Variants in FGFBP3 observed in about 807,000 individuals in gnomAD.
The protein encoded by FGFBP3 is fibroblast growth factor-binding protein 3.
Under a neutral mutation model 4.8 loss-of-function variants are expected in FGFBP3, and 4 were observed. That is an observed-to-expected ratio of 0.83 (90% confidence interval 0.41 to 1.90). The LOEUF is 1.90. Among genes scored for constraint, FGFBP3 ranks in the 40% most tolerant of loss-of-function variants. FGFBP3 has a pLI of 0.03. For synonymous variants in FGFBP3, 215 were observed against 190.0 expected (o/e 1.13, Z -1.08); for missense variants, 429 against 397.4 (o/e 1.08, Z -0.68).
In FGFBP3 at chr10:91,908,079, C is replaced by A; in HGVS notation, c.*114G>T. The A allele has an allele frequency of 7.9e-7, 1 of 1,265,616 alleles. No individual in the cohort carries two copies. The highest frequency in any genetic ancestry group is 1.1e-6 in the Non-Finnish European group (1 of 946,274). The allele number at this position is 1,265,616 out of a possible 1,614,324, so 78.4% of individuals were successfully genotyped here. A position where few individuals can be genotyped will look rare whatever the true frequency, so the allele number is the denominator to read the frequency against. On this transcript the variant is annotated 3_prime_UTR_variant, in exon 2 of 2. Transcript: ENST00000311575. The stretch of plus-strand genomic sequence containing the variant: ...CCTTACCCTTGCCCCCACCCCCATT[C>A]GAGAACCTGGACTTCTCCCCAATCT...
Position 91,908,172 on chromosome 10 carries a change from T to G in FGFBP3, c.*21A>C. 1 of 1,538,260 alleles carries G rather than the reference T, an allele frequency of 6.5e-7. No homozygotes were observed. The highest frequency in any genetic ancestry group is 8.8e-7 in the Non-Finnish European group (1 of 1,140,720). On this transcript the variant is annotated 3_prime_UTR_variant, in exon 2 of 2. Coordinates refer to ENST00000311575, the MANE Select transcript of FGFBP3 (RefSeq NM_152429.5). ...TTCCCCACGCCTCCCCCATCAACCC[T>G]CCCTAAGCCGGCAGGCAGTCTCAGC... is the stretch of plus-strand genomic sequence containing the variant.
rs758585153 is a variant in FGFBP3 at position 91,908,182 on chromosome 10, G to T, written c.*11C>A. Reference sequence around the variant, plus strand: ...CTCCCCCATCAACCCTCCCTAAGCCGGCAGGCAGTCTCAGCCGTTCCAGAA... The same window carrying T: ...CTCCCCCATCAACCCTCCCTAAGCCTGCAGGCAGTCTCAGCCGTTCCAGAA... On this transcript the variant is annotated 3_prime_UTR_variant, in exon 2 of 2. Coordinates refer to ENST00000311575, the MANE Select transcript of FGFBP3 (RefSeq NM_152429.5). 3.2e-6 allele frequency: 5 copies of T among 1,586,648 alleles called. No homozygotes were observed. The highest frequency in any genetic ancestry group is 1.7e-4 in the Middle Eastern group (1 of 6,000).
Position 91,908,441 on chromosome 10 carries a change from G to T in FGFBP3, c.529C>A (p.Arg177=), listed in dbSNP as rs1382436011. ...GCGGCTGGGCCGGACGCACGCTCCC[G>T]GGTCCGCCCCCGGTTCCGGGCCCGG... ...KPRARNRGRT[R]ERASGPAAGT... is the part of the protein sequence containing the mutation. Residue 177 remains arginine, a synonymous_variant, in exon 2 of 2, where the codon CGG becomes AGG. Coordinates refer to ENST00000311575, the MANE Select transcript of FGFBP3 (RefSeq NM_152429.5). 6.7e-7 allele frequency: 1 copy of T among 1,487,808 alleles called. No individual in the cohort carries two copies. The highest frequency in any genetic ancestry group is 1.4e-5 in the South Asian group (1 of 73,982). 92.2% of individuals were successfully genotyped at this position (1,487,808 alleles called of 1,614,324 possible). A position where few individuals can be genotyped will look rare whatever the true frequency, so the allele number is the denominator to read the frequency against.
intron 1 of FGFBP3, 106 bp downstream of exon 1, chr10:91,909,292 T>G: frequency 2.8e-6 from 1 of 363,402 alleles, no homozygotes. Context: ...TTGCCCCCTC[T>G]ACCCCTTCCT....
At position 91,908,994 on chromosome 10, in the gene FGFBP3, G is replaced by A. The variant is rs764163214; in HGVS notation, c.-25C>T. On this transcript the variant is annotated 5_prime_UTR_variant, in exon 2 of 2. Transcript: ENST00000311575. ...TGCTCCGCGGTTTCCGCGCTCCGCT[G>A]TTCTCAGACCACGTTTGTCGGGGCT... 4 of 1,553,478 alleles carry A rather than the reference G, an allele frequency of 2.6e-6. No individual in the cohort carries two copies. Among genetic ancestry groups the A allele is most frequent in the South Asian group, 1.2e-5 (1 of 83,330 alleles).
In FGFBP3 at chr10:91,908,022, T is replaced by C. The variant is rs968792055; in HGVS notation, c.*171A>G. 22 of 687,976 alleles carry C rather than the reference T, an allele frequency of 3.2e-5. No homozygotes were observed. The East Asian group carries it at 5.0e-4, about 16-fold the overall frequency. The allele number at this position is 687,976 out of a possible 1,614,324, so 42.6% of individuals were successfully genotyped here. A position where few individuals can be genotyped will look rare whatever the true frequency, so the allele number is the denominator to read the frequency against. On this transcript the variant is annotated 3_prime_UTR_variant, in exon 2 of 2. Coordinates refer to ENST00000311575, the MANE Select transcript of FGFBP3 (RefSeq NM_152429.5). ...TCTCTGCTATCCCAGAGATTCTCCA[T>C]ACCCCTTACACTCTCATCCCAAGCA...
rs1264246693 is a variant in FGFBP3, at chr10:91,908,513, G to A, written c.457C>T (p.Pro153Ser). The A allele has an allele frequency of 2.3e-5, 31 of 1,376,468 alleles. No homozygotes were observed. Among genetic ancestry groups the A allele is most frequent in the Non-Finnish European group, 2.8e-5 (30 of 1,072,650 alleles). The allele number at this position is 1,376,468 out of a possible 1,614,324, so 85.3% of individuals were successfully genotyped here. A position where few individuals can be genotyped will look rare whatever the true frequency, so the allele number is the denominator to read the frequency against. The change falls in exon 2 of 2, where the codon CCG becomes TCG. Residue 153 changes from proline (P) to serine (S), a missense_variant. Physicochemically the swap from Pro to Ser is moderately conservative, Grantham distance 74 (BLOSUM62 -1). Coordinates refer to ENST00000311575, the MANE Select transcript of FGFBP3 (RefSeq NM_152429.5). ...AELRLVPRAS[P>S]PARPTVAGFA... ...CCCGCGACGGTGGGGCGTGCGGGCG[G>A]GGACGCGCGGGGCACTAGCCGCAGC... is the stretch of plus-strand genomic sequence containing the variant.
Position 91,908,453 on chromosome 10 carries a change from G to A in FGFBP3, c.517C>T (p.Arg173Trp). Residue 173 changes from arginine (R) to tryptophan (W), a missense_variant, in exon 2 of 2, where the codon CGG becomes TGG. By Grantham distance (101) the Arg-to-Trp change is moderately radical. Transcript: ENST00000311575. ...AGESKPRARN[R>W]GRTRERASGP... ...GACGCACGCTCCCGGGTCCGCCCCC[G>A]GTTCCGGGCCCGGGGCTTGGACTCC... 1 of 1,466,660 alleles carries A rather than the reference G, an allele frequency of 6.8e-7. No individual in the cohort carries two copies. The highest frequency in any genetic ancestry group is 1.5e-5 in the African/African-American group (1 of 67,308). The allele number at this position is 1,466,660 out of a possible 1,614,324, so 90.9% of individuals were successfully genotyped here. A position where few individuals can be genotyped will look rare whatever the true frequency, so the allele number is the denominator to read the frequency against.
chr10:91,907,464 G>A lies in FGFBP3; in HGVS notation c.*729C>T, dbSNP rs1011989507. Reference sequence around the variant, plus strand: ...GGATCCCTTGAGGCCAGGAGTTGGAGACTGCAGTGCCTATTATTACACCTG... The same window carrying A: ...GGATCCCTTGAGGCCAGGAGTTGGAAACTGCAGTGCCTATTATTACACCTG... On this transcript the variant is annotated 3_prime_UTR_variant, in exon 2 of 2. Coordinates refer to ENST00000311575, the MANE Select transcript of FGFBP3 (RefSeq NM_152429.5). 1 of 151,514 alleles carries A rather than the reference G, an allele frequency of 6.6e-6. No homozygotes were observed. The highest frequency in any genetic ancestry group is 1.5e-5 in the Non-Finnish European group (1 of 68,012). The allele number at this position is 151,514 out of a possible 1,614,324, so 9.4% of individuals were successfully genotyped here.
chr10:91,907,287 T>G lies in FGFBP3; in HGVS notation c.*906A>C, dbSNP rs1843306247. 6.6e-6 allele frequency: 1 copy of G among 152,212 alleles called. No homozygotes were observed. 9.4% of individuals were successfully genotyped at this position (152,212 alleles called of 1,614,324 possible). A position where few individuals can be genotyped will look rare whatever the true frequency, so the allele number is the denominator to read the frequency against. Reference sequence around the variant, plus strand: ...TGAGACTGGAATGTCGAGGCCGCAGTGAGCCATAATTGCACCACTGCTCCA... The same window carrying G: ...TGAGACTGGAATGTCGAGGCCGCAGGGAGCCATAATTGCACCACTGCTCCA... On this transcript the variant is annotated 3_prime_UTR_variant, in exon 2 of 2. Coordinates refer to ENST00000311575, the MANE Select transcript of FGFBP3 (RefSeq NM_152429.5).
rs746528865 is a variant in FGFBP3, at chr10:91,907,877, C to T, written c.*316G>A. The T allele has an allele frequency of 3.2e-6, 1 of 312,818 alleles. No homozygotes were observed. The highest frequency in any genetic ancestry group is 5.8e-6 in the Non-Finnish European group (1 of 171,946). The allele number at this position is 312,818 out of a possible 1,614,324, so 19.4% of individuals were successfully genotyped here. On this transcript the variant is annotated 3_prime_UTR_variant, in exon 2 of 2. Coordinates refer to ENST00000311575, the MANE Select transcript of FGFBP3 (RefSeq NM_152429.5). ...TCTATCTCCCCCTTATTCTCAGCCT[C>T]CCTCTGCATCGATTTCTCTCCCCAG...
Position 91,908,844 on chromosome 10 carries a change from C to CCCGGGGA in FGFBP3, c.119_125dup (p.Thr44ArgfsTer202). 1 of 1,543,534 alleles carries CCCGGGGA rather than the reference C, an allele frequency of 6.5e-7. No homozygotes were observed. Among genetic ancestry groups the CCCGGGGA allele is most frequent in the East Asian group, 2.5e-5 (1 of 40,718 alleles). On this transcript the variant is annotated frameshift_variant, in exon 2 of 2. Coordinates refer to ENST00000311575, the MANE Select transcript of FGFBP3 (RefSeq NM_152429.5). LOFTEE classifies it low-confidence loss of function (END_TRUNC). ...AGCGACCCGAGGAGCCGCCAGTGGGCCCGGGGACCGGCTCCGCCACGTTGC... is the reference window on the plus strand; with the variant it reads ...AGCGACCCGAGGAGCCGCCAGTGGGCCCGGGGACCGGGGACCGGCTCCGCCACGTTGC...
rs11186737 is a variant in FGFBP3, at chr10:91,906,592, C to T, written c.*1601G>A. ...TGCAACACACACACACATATATACACACACACACATTTATATATATAATGG... is the reference window on the plus strand; with the variant it reads ...TGCAACACACACACACATATATACATACACACACATTTATATATATAATGG... On this transcript the variant is annotated 3_prime_UTR_variant, in exon 2 of 2. Transcript: ENST00000311575. 0.35 allele frequency: 53,779 copies of T among 152,036 alleles called. 10,245 individuals are homozygous for T. Among genetic ancestry groups the T allele is most frequent in the African/African-American group, 0.49 (20,466 of 41,430 alleles). The allele number at this position is 152,036 out of a possible 1,614,324, so 9.4% of individuals were successfully genotyped here.
Position 91,908,084 on chromosome 10 carries a change from A to C in FGFBP3, c.*109T>G, listed in dbSNP as rs1270994216. 17 of 1,287,414 alleles carry C rather than the reference A, an allele frequency of 1.3e-5. No homozygotes were observed. Among genetic ancestry groups the C allele is most frequent in the African/African-American group, 6.3e-5 (4 of 63,654 alleles). 79.7% of individuals were successfully genotyped at this position (1,287,414 alleles called of 1,614,324 possible). A position where few individuals can be genotyped will look rare whatever the true frequency, so the allele number is the denominator to read the frequency against. On this transcript the variant is annotated 3_prime_UTR_variant, in exon 2 of 2. Transcript: ENST00000311575. ...CCCTTGCCCCCACCCCCATTCGAGA[A>C]CCTGGACTTCTCCCCAATCTCTATC...
chr10:91,908,222 T>C lies in FGFBP3; in HGVS notation c.748A>G (p.Asn250Asp). The C allele has an allele frequency of 1.2e-6, 2 of 1,602,458 alleles. No homozygotes were observed. The highest frequency in any genetic ancestry group is 1.7e-6 in the Non-Finnish European group (2 of 1,174,678). Residue 250 changes from asparagine to aspartate, a missense_variant, in exon 2 of 2, where the codon AAC (asparagine) becomes GAC (aspartate). Asn to Asp is a conservative substitution (Grantham distance 23). Transcript: ENST00000311575. The stretch of plus-strand genomic sequence containing the variant: ...CCGTTCCAGAAATTGACAAAGAAGT[T>C]GCAGAGGGAGTGCCACTTCTCAGCG... ...YCAEKWHSLCNFFVNFWNG is the reference protein window; with the variant it reads ...YCAEKWHSLCDFFVNFWNG
Position 91,908,147 on chromosome 10 carries a change from T to G in FGFBP3, c.*46A>C. 1 of 1,564,772 alleles carries G rather than the reference T, an allele frequency of 6.4e-7. No individual in the cohort carries two copies. The highest frequency in any genetic ancestry group is 8.6e-7 in the Non-Finnish European group (1 of 1,160,286). ...GGTCTAAGACGCCCTTAGCTTTCCC[T>G]TCCCCACGCCTCCCCCATCAACCCT... On this transcript the variant is annotated 3_prime_UTR_variant, in exon 2 of 2. Coordinates refer to ENST00000311575, the MANE Select transcript of FGFBP3 (RefSeq NM_152429.5).
chr10:91,907,947 T>G lies in FGFBP3; in HGVS notation c.*246A>C. The G allele has an allele frequency of 2.1e-6, 1 of 470,778 alleles. No homozygotes were observed. The highest frequency in any genetic ancestry group is 3.7e-6 in the Non-Finnish European group (1 of 271,554). The allele number at this position is 470,778 out of a possible 1,614,324, so 29.2% of individuals were successfully genotyped here. On this transcript the variant is annotated 3_prime_UTR_variant, in exon 2 of 2. Transcript: ENST00000311575. ...TAAAGTACGCCTATTTCTGTTTCCA[T>G]TATTTTTCCTGCTCTTAATCAGGAC...
At position 91,908,534 on chromosome 10, in the gene FGFBP3, G is replaced by C. The variant is rs2133711423; in HGVS notation, c.436C>G (p.Arg146Gly). The C allele has an allele frequency of 7.3e-7, 1 of 1,375,482 alleles. No homozygotes were observed. The highest frequency in any genetic ancestry group is 3.1e-5 in the East Asian group (1 of 32,340). The allele number at this position is 1,375,482 out of a possible 1,614,324, so 85.2% of individuals were successfully genotyped here. A position where few individuals can be genotyped will look rare whatever the true frequency, so the allele number is the denominator to read the frequency against. ...AGKKGHGAEL[R>G]LVPRASPPAR... The stretch of plus-strand genomic sequence containing the variant: ...GGCGGGGACGCGCGGGGCACTAGCC[G>C]CAGCTCGGCGCCGTGGCCCTTCTTG... Residue 146 changes from arginine (R) to glycine (G), a missense_variant, in exon 2 of 2, where the codon CGG becomes GGG. Arg to Gly is a moderately radical substitution (Grantham distance 125). Coordinates refer to ENST00000311575, the MANE Select transcript of FGFBP3 (RefSeq NM_152429.5).
In FGFBP3 at chr10:91,908,864, C is replaced by A; in HGVS notation, c.106G>T (p.Val36Leu). 1 of 1,568,336 alleles carries A rather than the reference C, an allele frequency of 6.4e-7. No individual in the cohort carries two copies. Among genetic ancestry groups the A allele is most frequent in the Non-Finnish European group, 8.6e-7 (1 of 1,163,798 alleles). ...GTGGGCCCGGGGACCGGCTCCGCCA[C>A]GTTGCTAGCCGCCCCTTTCTCCCTC... is the stretch of plus-strand genomic sequence containing the variant. The part of the protein sequence containing the change: ...ARREKGAASN[V>L]AEPVPGPTGG... The change falls in exon 2 of 2, where the codon GTG (valine) becomes TTG (leucine). Residue 36 changes from valine to leucine, a missense_variant. Transcript: ENST00000311575.
Sources: allele counts gnomAD v4.1 joint callset, GRCh38; gene constraint gnomAD v4.1.1; transcripts MANE v1.5; gene names NCBI Gene and HGNC (gene_info 2026-07-23, HGNC 2026-07-21).